Variants in PTGER3 observed in about 807,000 individuals in gnomAD.
The protein encoded by PTGER3 is prostaglandin E2 receptor EP3 subtype.
A neutral mutation model predicts 34.7 loss-of-function variants in PTGER3; 22 were observed. The observed-to-expected ratio is 0.63, with a 90% CI of 0.45 to 0.91. The LOEUF is 0.91. Among genes scored for constraint, PTGER3 ranks in the 40% least tolerant of loss-of-function variants. The pLI, the probability that PTGER3 is intolerant of heterozygous loss-of-function variation, is 0.00. For synonymous variants in PTGER3, 241 were observed against 230.1 expected, an observed-to-expected ratio of 1.05 and a Z score of -0.43; for missense variants, 468 against 519.4, an observed-to-expected ratio of 0.90 and a Z score of 0.96.
chr1:70,951,745 G>A (rs2100585546), downstream of PTGER3, among the ~76,000 whole-genome samples: 1 of 152,232 alleles, frequency 6.6e-6, no homozygotes, highest in African/African-American at 2.4e-5. Context: ...ACTGTGCTTG[G>A]TAGATTCAAG....
At chr1:70,962,163 C>T (rs1475972348) in intron 2 of PTGER3, among the ~76,000 whole-genome samples, 4 of 152,194 alleles carry the variant, frequency 2.6e-5, no homozygotes, top group African/African-American at 7.2e-5. Flanking sequence ...TTCAAACCCA[C>T]AGCTATCCAA....
chr1:70,855,170 T>C (rs186354642), intron 4 of PTGER3, among the ~76,000 whole-genome samples: 1 of 152,294 alleles, frequency 6.6e-6, no homozygotes, highest in African/African-American at 2.4e-5. Flanking sequence ...TGTCATGTGC[T>C]ATAACATTGA....
intron 2 of PTGER3, among the ~76,000 whole-genome samples, chr1:70,961,605 T>G (rs992825280): frequency 3.3e-5 from 5 of 152,196 alleles, no homozygotes; most frequent in Non-Finnish European, 7.3e-5. Context: ...TCATACAACA[T>G]GCATATTTTG....
chr1:70,933,172 T>G (rs990465482), intron 4 of PTGER3, among the ~76,000 whole-genome samples: 2 of 152,172 alleles, frequency 1.3e-5, no homozygotes, highest in African/African-American at 4.8e-5. Flanking sequence ...GGCTTAATAA[T>G]TGCTTGATTG....
intron 1 of PTGER3, among the ~76,000 whole-genome samples, chr1:71,020,150 G>A (rs2300169): frequency 0.33 from 50,374 of 151,912 alleles, 9,059 homozygotes; most frequent in South Asian, 0.45. Context: ...TCTCCAATCT[G>A]GTTACAACAG....
At chr1:71,007,926 T>C (rs1161242702) in intron 2 of PTGER3, 2 of 985,222 alleles carry the variant, frequency 2.0e-6, no homozygotes, top group Non-Finnish European at 2.4e-6. Flanking sequence ...AAGGCTGACT[T>C]GTTTCTGATG....
At chr1:70,864,855 G>A (rs1646006721) in intron 4 of PTGER3, among the ~76,000 whole-genome samples, 1 of 152,178 alleles carries the variant, frequency 6.6e-6, no homozygotes, top group Non-Finnish European at 1.5e-5. Flanking sequence ...ACACTGGTAA[G>A]TGTCAGAGCT....
intron 4 of PTGER3, among the ~76,000 whole-genome samples, chr1:70,913,792 T>G (rs1557650973): frequency 1.3e-5 from 2 of 151,934 alleles, no homozygotes; most frequent in East Asian, 3.9e-4. Flanking sequence ...GATTTTTGAA[T>G]GTTAAACAAC....
intron 4 of PTGER3, among the ~76,000 whole-genome samples, chr1:70,858,503 G>A (rs2100460478): frequency 6.6e-6 from 1 of 152,294 alleles, no homozygotes; most frequent in South Asian, 2.1e-4. Flanking sequence ...AGTGAAAGGG[G>A]AGAGTGTCCT....
At chr1:70,979,541 G>A (rs1386434175) in intron 2 of PTGER3, among the ~76,000 whole-genome samples, 1 of 151,900 alleles carries the variant, frequency 6.6e-6, no homozygotes, top group African/African-American at 2.4e-5. Flanking sequence ...TGGTCTTTTG[G>A]GTGTGAGCCA....
At chr1:71,043,651 A>T (rs1660496753) in intron 1 of PTGER3, among the ~76,000 whole-genome samples, 3 of 152,184 alleles carry the variant, frequency 2.0e-5, no homozygotes, top group Admixed American at 6.5e-5. Flanking sequence ...AAACAGCGTT[A>T]ATCTCTCATT....
intron 4 of PTGER3, among the ~76,000 whole-genome samples, chr1:70,930,274 G>A (rs1648557556): frequency 6.6e-6 from 1 of 152,170 alleles, no homozygotes; most frequent in South Asian, 2.1e-4. Flanking sequence ...CAGTGGCAGG[G>A]CTGTCACCCT....
intron 4 of PTGER3, among the ~76,000 whole-genome samples, chr1:70,911,317 C>A (rs1263754561): frequency 6.6e-6 from 1 of 151,258 alleles, no homozygotes; most frequent in Non-Finnish European, 1.5e-5. Context: ...TGAAATGTCT[C>A]CCCCCACAGT....
intron 2 of PTGER3, among the ~76,000 whole-genome samples, chr1:70,979,947 T>C (rs1161396204): frequency 6.6e-6 from 1 of 152,158 alleles, no homozygotes; most frequent in Non-Finnish European, 1.5e-5. Context: ...ATTCTTAAGA[T>C]AATAGACCTT....
chr1:70,939,876 C>T (rs1269771739), intron 4 of PTGER3, among the ~76,000 whole-genome samples: 1 of 152,210 alleles, frequency 6.6e-6, no homozygotes, highest in Non-Finnish European at 1.5e-5. Flanking sequence ...GACATTTTCT[C>T]CATTGTCTCG....
intron 4 of PTGER3, among the ~76,000 whole-genome samples, chr1:70,931,524 A>G (rs893777465): frequency 1.3e-5 from 2 of 152,208 alleles, no homozygotes; most frequent in Non-Finnish European, 2.9e-5. Context: ...CTGGGCATCC[A>G]GGCATTTCTA....
At chr1:71,033,288 A>G (rs188418155) in intron 1 of PTGER3, among the ~76,000 whole-genome samples, 10 of 152,320 alleles carry the variant, frequency 6.6e-5, no homozygotes, top group Non-Finnish European at 1.0e-4. Flanking sequence ...CACTATGTCA[A>G]TATGGGTACT....
intron 1 of PTGER3, among the ~76,000 whole-genome samples, chr1:71,019,353 C>T (rs2268060): frequency 6.6e-6 from 1 of 151,976 alleles, no homozygotes; most frequent in Non-Finnish European, 1.5e-5. Flanking sequence ...TCAAGGGAGT[C>T]GTGAGACCAA....
chr1:71,028,600 C>T (rs576100579), intron 1 of PTGER3, among the ~76,000 whole-genome samples: 11 of 152,116 alleles, frequency 7.2e-5, no homozygotes, highest in African/African-American at 9.6e-5. Flanking sequence ...CTATTGTCGC[C>T]GAAATTCCTC....
Sources: gnomAD v4.1 joint callset for allele counts (sites outside exome capture counted in the v4.1 genomes callset) on GRCh38, gnomAD v4.1.1 for gene constraint, MANE v1.5 for transcripts, NCBI Gene and HGNC (gene_info 2026-07-23, HGNC 2026-07-21) for gene names.